Variants in RELL1 observed in about 807,000 individuals in gnomAD.
The protein encoded by RELL1 is RELT like 1.
RELL1 carries 10 observed loss-of-function variants against 23.0 expected under a neutral mutation model. The ratio of observed to expected loss-of-function variants is 0.43; its 90% CI spans 0.27 to 0.74. RELL1 has a LOEUF of 0.74. RELL1 is among the 30% of genes least tolerant of loss of function. The pLI is 0.19. For missense variants in RELL1, 315 were observed against 364.4 expected, an observed-to-expected ratio of 0.86 and a Z score of 1.10; for synonymous variants, 146 against 146.8, an observed-to-expected ratio of 0.99 and a Z score of 0.04.
chr4:37,643,942 T>C (rs2109275778), intron 3 of RELL1, among the ~76,000 whole-genome samples: 1 of 152,244 alleles, frequency 6.6e-6, no homozygotes, highest in Middle Eastern at 3.4e-3. Context: ...CGCAAAGGAT[T>C]GGAGTCACCA....
At chr4:37,621,574 A>T (rs1019733476) in intron 6 of RELL1, among the ~76,000 whole-genome samples, 2 of 152,094 alleles carry the variant, frequency 1.3e-5, no homozygotes, top group Non-Finnish European at 2.9e-5. Context: ...AAAGCCTTTC[A>T]TTTTCCGCTT....
chr4:37,631,220 C>CA (rs1236834893), intron 6 of RELL1, among the ~76,000 whole-genome samples, 165 bp downstream of exon 6: 1 of 152,122 alleles, frequency 6.6e-6, no homozygotes, highest in Non-Finnish European at 1.5e-5. Flanking sequence ...TCTAGGCAGA[C>CA]AAGTAATCAT....
At chr4:37,647,984 G>GCAT (rs1344468718) in intron 2 of RELL1, among the ~76,000 whole-genome samples, 1 of 152,174 alleles carries the variant, frequency 6.6e-6, no homozygotes, top group Non-Finnish European at 1.5e-5. Flanking sequence ...TGTACCAGGA[G>GCAT]CATACATGAC....
Position 37,663,063 on chromosome 4 carries a change from C to T in RELL1, c.89-13563G>A, listed in dbSNP as rs1185858333. ...GATTCCCACAGACCCTCACTGATGG[C>T]TGCACACATCAGTGGGGTCCTCAGA... On this transcript the variant is annotated intron_variant, in intron 1 of 6. Transcript: ENST00000454158. 2.0e-5 allele frequency among the ~76,000 whole-genome samples: 3 copies of T among 152,156 alleles called. No homozygotes were observed. In the East Asian group the frequency reaches 5.8e-4, roughly 29 times the overall value.
downstream of RELL1, among the ~76,000 whole-genome samples, chr4:37,607,290 T>C (rs531511558): frequency 1.3e-5 from 2 of 152,252 alleles, no homozygotes; most frequent in Admixed American, 6.5e-5. Flanking sequence ...CCACTGTTAG[T>C]TTTTTAGTTG....
At chr4:37,600,106 C>T (rs568856820) in intron 6 of RELL1, among the ~76,000 whole-genome samples, 1 of 152,158 alleles carries the variant, frequency 6.6e-6, no homozygotes, top group East Asian at 1.9e-4. Flanking sequence ...CCTGTCTCTA[C>T]TAAAAATATA....
chr4:37,667,851 C>A (rs778755366), intron 1 of RELL1, among the ~76,000 whole-genome samples: 55 of 151,902 alleles, frequency 3.6e-4, no homozygotes, highest in Non-Finnish European at 7.1e-4. Context: ...TTGGTTACTT[C>A]TCAGAAATCC....
chr4:37,604,070 C>T (rs1356656045), intron 6 of RELL1, among the ~76,000 whole-genome samples: 2 of 152,160 alleles, frequency 1.3e-5, no homozygotes, highest in Non-Finnish European at 2.9e-5. Context: ...AATCTGCCCA[C>T]CTTGGCCTCC....
At chr4:37,591,202 G>A (rs1274213753) in exon 7 of RELL1, 1 of 503,164 alleles carries the variant, frequency 2.0e-6, no homozygotes, top group African/African-American at 1.9e-5. Flanking sequence ...GTGTAGATGA[G>A]CTGTCATTCA....
intron 1 of RELL1, among the ~76,000 whole-genome samples, chr4:37,680,872 C>G (rs535056185): frequency 2.9e-4 from 42 of 143,446 alleles, no homozygotes; most frequent in African/African-American, 1.1e-3. Flanking sequence ...GCGGAGCTTG[C>G]AGTGAGCTGA....
At chr4:37,683,484 C>T (rs1388807528) in intron 1 of RELL1, among the ~76,000 whole-genome samples, 2 of 152,170 alleles carry the variant, frequency 1.3e-5, no homozygotes, top group African/African-American at 2.4e-5. Flanking sequence ...AGGCTGGGCG[C>T]GGTGGCTCAC....
chr4:37,668,540 T>C (rs1721627463), intron 1 of RELL1, among the ~76,000 whole-genome samples: 1 of 152,054 alleles, frequency 6.6e-6, no homozygotes, highest in African/African-American at 2.4e-5. Flanking sequence ...CAGGCTGGAG[T>C]GCAGTGGCGT....
chr4:37,606,981 C>A (rs1447794846), downstream of RELL1, among the ~76,000 whole-genome samples: 1 of 152,196 alleles, frequency 6.6e-6, no homozygotes, highest in Non-Finnish European at 1.5e-5. This position sits in a 1 kb window ranked among gnomAD's most constrained non-coding sequence, Gnocchi z 4.1. Flanking sequence ...ACGTTCCTGA[C>A]ATGATTCAAT....
In RELL1 at chr4:37,611,942, G is replaced by A. The variant is rs1209578848; in HGVS notation, c.*1404C>T. 2.0e-5 allele frequency among the ~76,000 whole-genome samples: 3 copies of A among 151,898 alleles called. No homozygotes were observed. The highest frequency in any genetic ancestry group is 2.1e-4 in the South Asian group (1 of 4,800). ...TGTAATCCCAGAACTTTGGGAGGCC[G>A]AGGCGGGTGGATCACGAGGTCAGGA... On this transcript the variant is annotated 3_prime_UTR_variant, in exon 7 of 7. Transcript: ENST00000454158.
At chr4:37,680,898 C>T (rs1294674160) in intron 1 of RELL1, among the ~76,000 whole-genome samples, 1 of 143,640 alleles carries the variant, frequency 7.0e-6, no homozygotes, top group African/African-American at 2.7e-5. Context: ...CGCCGCTGCA[C>T]TCCAGCCTGG....
chr4:37,625,690 C>T (rs1054544668), intron 6 of RELL1, among the ~76,000 whole-genome samples: 1 of 152,096 alleles, frequency 6.6e-6, no homozygotes, highest in Non-Finnish European at 1.5e-5. Flanking sequence ...AAATCTATTG[C>T]ACAATATGGT....
chr4:37,605,783 G>GAGAA (rs1262913125), downstream of RELL1, among the ~76,000 whole-genome samples: 1 of 70,524 alleles, frequency 1.4e-5, no homozygotes, highest in Admixed American at 1.6e-4. Flanking sequence ...GAGAGAGAGA[G>GAGAA]AGAAAGAAAG....
intron 1 of RELL1, among the ~76,000 whole-genome samples, chr4:37,682,821 G>A (rs996675839): frequency 6.6e-6 from 1 of 152,180 alleles, no homozygotes; most frequent in Non-Finnish European, 1.5e-5. Context: ...GAAGCCTGCA[G>A]CCCAAGGACA....
downstream of RELL1, among the ~76,000 whole-genome samples, chr4:37,587,062 A>G (rs531589966): frequency 1.1e-4 from 17 of 152,318 alleles, no homozygotes; most frequent in African/African-American, 3.8e-4. Context: ...CAGAGGCTCC[A>G]GGGGTGAATC....
Sources: allele counts gnomAD v4.1 joint callset (sites outside exome capture counted in the v4.1 genomes callset), GRCh38; gene constraint gnomAD v4.1.1; non-coding constraint Gnocchi (gnomAD v3.1); transcripts MANE v1.5; gene names NCBI Gene and HGNC (gene_info 2026-07-23, HGNC 2026-07-21).